Variants in CWF19L2 observed in about 807,000 individuals in gnomAD.
CWF19L2 encodes CWF19-like protein 2.
Under a neutral mutation model 111.7 loss-of-function variants are expected in CWF19L2, and 98 were observed. That is an observed-to-expected ratio of 0.88 (90% CI 0.75 to 1.04). The LOEUF is 1.04. Among genes scored for constraint, CWF19L2 ranks in the 50% least tolerant of loss-of-function variants. CWF19L2 has a pLI of 0.00. For synonymous variants in CWF19L2, 351 were observed against 342.9 expected (o/e 1.02, Z -0.26); for missense variants, 1,101 against 1,051.4 (o/e 1.05, Z -0.65).
In CWF19L2 at chr11:107,404,038, A is replaced by C. The variant is rs555425058; in HGVS notation, c.1618-11143T>G. 3.0e-5 allele frequency: 23 copies of C among 771,518 alleles called. No homozygotes were observed. The East Asian group carries it at 5.1e-4, about 17-fold the overall frequency. The allele number at this position is 771,518 out of a possible 1,614,324, so 47.8% of individuals were successfully genotyped here. A position where few individuals can be genotyped will look rare whatever the true frequency, so the allele number is the denominator to read the frequency against. Reference sequence around the variant, plus strand: ...TGAAGAGGTGATGGTTTCACTAAAAACCCATCATCATAATCATCTGGATCT... The same window carrying C: ...TGAAGAGGTGATGGTTTCACTAAAACCCCATCATCATAATCATCTGGATCT... On this transcript the variant is annotated intron_variant, in intron 10 of 17. Coordinates refer to ENST00000282251, the MANE Select transcript of CWF19L2 (RefSeq NM_152434.3).
chr11:107,402,127 T>C (rs1170320742), intron 10 of CWF19L2, among the ~76,000 whole-genome samples: 1 of 152,130 alleles, frequency 6.6e-6, no homozygotes, highest in Non-Finnish European at 1.5e-5. Context: ...ACTATAAAAA[T>C]TCTAGAAGAT....
intron 12 of CWF19L2, among the ~76,000 whole-genome samples, chr11:107,354,907 C>T (rs376951992): frequency 3.4e-4 from 52 of 152,274 alleles, no homozygotes; most frequent in African/African-American, 1.2e-3. Flanking sequence ...TAAGAATTAG[C>T]TGTCATTTCC....
chr11:107,417,454 G>A (rs924048833), intron 9 of CWF19L2, among the ~76,000 whole-genome samples: 1 of 152,100 alleles, frequency 6.6e-6, no homozygotes, highest in African/African-American at 2.4e-5. Flanking sequence ...CACAGTATCA[G>A]GCACAGCACA....
chr11:107,401,942 A>G (rs1861005652), intron 10 of CWF19L2, among the ~76,000 whole-genome samples: 1 of 152,110 alleles, frequency 6.6e-6, no homozygotes, highest in African/African-American at 2.4e-5. Flanking sequence ...CTTAAAGCCA[A>G]CTGACCTTCG....
In CWF19L2 at chr11:107,342,767, A is replaced by G. The variant is rs1047827188; in HGVS notation, c.2203-6054T>C. 4.6e-5 allele frequency among the ~76,000 whole-genome samples: 7 copies of G among 152,186 alleles called. No individual in the cohort carries two copies. In the South Asian group the frequency reaches 1.5e-3, roughly 32 times the overall value. On this transcript the variant is annotated intron_variant, in intron 14 of 17. Coordinates refer to ENST00000282251, the MANE Select transcript of CWF19L2 (RefSeq NM_152434.3). ...AGAGACTTTTCAGATATAACTAAGA[A>G]TCTTGATACAGGAAGATTATCCTGG...
intron 12 of CWF19L2, among the ~76,000 whole-genome samples, chr11:107,372,108 T>C (rs1860519091): frequency 7.4e-6 from 1 of 135,112 alleles, no homozygotes; most frequent in Non-Finnish European, 1.6e-5. Context: ...CAAATATTTA[T>C]TGAATGCTAT....
chr11:107,327,870 G>C (rs142637506), intron 17 of CWF19L2, among the ~76,000 whole-genome samples: 79 of 152,168 alleles, frequency 5.2e-4, no homozygotes, highest in African/African-American at 1.8e-3. Context: ...CTGCATAGTC[G>C]GTCTAGCTCC....
intron 8 of CWF19L2, among the ~76,000 whole-genome samples, chr11:107,425,427 A>G (rs1270928927): frequency 6.6e-6 from 1 of 151,856 alleles, no homozygotes; most frequent in East Asian, 1.9e-4. Context: ...TTGTGTTACA[A>G]TTGCCAACAA....
chr11:107,427,022 T>G (rs1189062113), intron 8 of CWF19L2, among the ~76,000 whole-genome samples: 1 of 152,046 alleles, frequency 6.6e-6, no homozygotes, highest in Non-Finnish European at 1.5e-5. Context: ...ACAAATGGCA[T>G]GTTCTAAAAA....
intron 14 of CWF19L2, among the ~76,000 whole-genome samples, chr11:107,341,623 TGAATTG>T (rs1860005919): frequency 6.6e-6 from 1 of 152,158 alleles, no homozygotes; most frequent in Admixed American, 6.6e-5. Context: ...CCAATATGAA[TGAATTG>T]GAAAGTGTTC....
chr11:107,435,335 G>A (rs992951123), intron 6 of CWF19L2, among the ~76,000 whole-genome samples: 10 of 151,732 alleles, frequency 6.6e-5, no homozygotes, highest in Non-Finnish European at 8.8e-5. Context: ...GTCTAAATCC[G>A]CAATCTACAC....
chr11:107,422,388 T>G (rs1227345175), intron 8 of CWF19L2, among the ~76,000 whole-genome samples: 1 of 151,940 alleles, frequency 6.6e-6, no homozygotes, highest in African/African-American at 2.4e-5. Flanking sequence ...ACAACTGTAG[T>G]CTATAATGAA....
intron 3 of CWF19L2, among the ~76,000 whole-genome samples, chr11:107,448,811 T>A (rs780703496): frequency 6.6e-6 from 1 of 152,132 alleles, no homozygotes; most frequent in Non-Finnish European, 1.5e-5. Context: ...AACTGAACCC[T>A]CATCAGACAC....
chr11:107,421,884 T>C (rs144830745), intron 8 of CWF19L2, among the ~76,000 whole-genome samples: 1 of 152,224 alleles, frequency 6.6e-6, no homozygotes, highest in Non-Finnish European at 1.5e-5. Flanking sequence ...GGAAAGCATA[T>C]GTCAACACAA....
rs1489324384 is a variant in CWF19L2 at position 107,457,747 on chromosome 11, G to C, written c.70C>G (p.Gln24Glu). The C allele has an allele frequency of 6.4e-7, 1 of 1,551,692 alleles. No individual in the cohort carries two copies. Among genetic ancestry groups the C allele is most frequent in the African/African-American group, 1.4e-5 (1 of 73,174 alleles). Reference sequence around the variant, plus strand: ...ACCTCGGCCCTGGCATTCCGGGTCTGTTCTTTCCGCTCTTCGATACTCTTC... The same window carrying C: ...ACCTCGGCCCTGGCATTCCGGGTCTCTTCTTTCCGCTCTTCGATACTCTTC... ...SAKSIEERKE[Q>E]TRNARAEVLR... Residue 24 changes from glutamine to glutamate, a missense_variant, in exon 1 of 18, where the codon CAG (glutamine) becomes GAG (glutamate). Transcript: ENST00000282251.
At chr11:107,387,662 T>C (rs959646542) in intron 12 of CWF19L2, among the ~76,000 whole-genome samples, 2 of 152,020 alleles carry the variant, frequency 1.3e-5, no homozygotes, top group South Asian at 2.1e-4. Flanking sequence ...ATGAAACTAT[T>C]ACACCTCAGA....
chr11:107,417,265 T>A (rs917027256), intron 9 of CWF19L2, among the ~76,000 whole-genome samples: 8 of 152,242 alleles, frequency 5.3e-5, no homozygotes, highest in Non-Finnish European at 7.3e-5. Context: ...CATGTGCACT[T>A]AAATATATAC....
At chr11:107,352,293 A>ATCTT (rs374017724) in intron 13 of CWF19L2, among the ~76,000 whole-genome samples, 122,382 of 152,016 alleles carry the variant, frequency 0.81, 49,945 homozygotes, top group African/African-American at 0.94. Context: ...GAAATGCAAG[A>ATCTT]GCATTTATAT....
At chr11:107,387,592 A>C (rs1388351368) in intron 12 of CWF19L2, among the ~76,000 whole-genome samples, 5 of 152,080 alleles carry the variant, frequency 3.3e-5, no homozygotes, top group Admixed American at 1.3e-4. Flanking sequence ...AGTTTTGTGG[A>C]AGACAATTTT....
Sources: allele counts gnomAD v4.1 joint callset (sites outside exome capture counted in the v4.1 genomes callset), GRCh38; gene constraint gnomAD v4.1.1; transcripts MANE v1.5; gene names NCBI Gene and HGNC (gene_info 2026-07-23, HGNC 2026-07-21).